CDC42: variants seen among roughly 807,000 people sequenced by gnomAD.
CDC42 encodes the protein cell division cycle 42.
CDC42 carries 1 observed loss-of-function variant against 20.8 expected under a neutral mutation model. The observed-to-expected ratio is 0.05, with a 90% confidence interval of 0.02 to 0.23. The LOEUF is 0.23. Among genes scored for constraint, CDC42 ranks in the 10% least tolerant of loss-of-function variants. The pLI is 1.00. For synonymous variants in CDC42, 72 were observed against 84.8 expected (o/e 0.85, Z 0.83); for missense variants, 49 against 227.9 (o/e 0.21, Z 5.05).
At chr1:22,086,617 CATTA>C in intron 4 of CDC42, 48 bp from the exon 5 acceptor site, 2 of 1,590,688 alleles carry the variant, frequency 1.3e-6, no homozygotes, top group Non-Finnish European at 1.7e-6. Context: ...TTATAAATAG[CATTA>C]GAGGCTTGTT....
chr1:22,053,269 G>C (rs929303016), intron 1 of CDC42: 2 of 151,598 alleles, frequency 1.3e-5, no homozygotes, highest in East Asian at 1.9e-4. Flanking sequence ...GGGGGTGGGG[G>C]GGCGGGGGAG....
chr1:22,054,905 ATATATATATATATATATTTTTTTTTT>A (rs1645279699), intron 1 of CDC42, among the ~76,000 whole-genome samples: 1 of 12,116 alleles, frequency 8.3e-5, no homozygotes, highest in African/African-American at 2.0e-4. Flanking sequence ...ATATATATAT[ATATATATATATATATATTTTTTTTTT>A]TTTTTTTTTT....
chr1:22,064,653 G>C (rs1473980109), intron 1 of CDC42, among the ~76,000 whole-genome samples: 1 of 150,970 alleles, frequency 6.6e-6, no homozygotes, highest in Non-Finnish European at 1.5e-5. Context: ...ATGGAGTTTA[G>C]AACACAGCCT....
chr1:22,099,141 C>G lies in CDC42; in HGVS notation c.*7624C>G, dbSNP rs2124069991. On this transcript the variant is annotated 3_prime_UTR_variant, in exon 6 of 6. Coordinates refer to ENST00000656825, the MANE Select transcript of CDC42 (RefSeq NM_001791.4). ...GGCTGGGGGCCCTGCTTCACCACGGCATAGGGACGGGTGCAGTAGGAAGAA... is the reference window on the plus strand; with the variant it reads ...GGCTGGGGGCCCTGCTTCACCACGGGATAGGGACGGGTGCAGTAGGAAGAA... Among the ~76,000 whole-genome samples the G allele has an allele frequency of 6.6e-6, 1 of 152,304 alleles. No individual in the cohort carries two copies.
chr1:22,074,476 A>G (rs1324702173), intron 1 of CDC42, among the ~76,000 whole-genome samples: 1 of 152,242 alleles, frequency 6.6e-6, no homozygotes, highest in Non-Finnish European at 1.5e-5. Flanking sequence ...AACATAGGGT[A>G]TATGAACATG....
intron 1 of CDC42, among the ~76,000 whole-genome samples, chr1:22,059,867 G>A (rs1224088664): frequency 1.4e-5 from 2 of 141,218 alleles, no homozygotes; most frequent in East Asian, 4.4e-4. Flanking sequence ...GGGCCAGATT[G>A]AATTTATTTC....
At chr1:22,059,025 T>G (rs1196562012) in intron 1 of CDC42, among the ~76,000 whole-genome samples, 2 of 149,416 alleles carry the variant, frequency 1.3e-5, no homozygotes, top group Admixed American at 1.3e-4. Context: ...GGGGCCTTTT[T>G]ATGTTGCCCA....
chr1:22,070,370 T>C (rs1034300192), intron 1 of CDC42, among the ~76,000 whole-genome samples: 2 of 151,822 alleles, frequency 1.3e-5, no homozygotes, highest in African/African-American at 4.8e-5. Flanking sequence ...ATAGCCTGTT[T>C]AAAGGTATTT....
chr1:22,080,796 C>T (rs1645599089), intron 2 of CDC42, among the ~76,000 whole-genome samples: 1 of 152,130 alleles, frequency 6.6e-6, no homozygotes, highest in African/African-American at 2.4e-5. Context: ...GTTTTATGGT[C>T]TATTTACATA....
intron 1 of CDC42, among the ~76,000 whole-genome samples, chr1:22,069,943 A>C (rs964130336): frequency 9.2e-5 from 14 of 152,080 alleles, no homozygotes; most frequent in African/African-American, 3.4e-4. Flanking sequence ...GCATGCCACC[A>C]TGCCCAGCTA....
chr1:22,095,277 C>CT lies in CDC42; in HGVS notation c.*3770dup, dbSNP rs941784173. Among the ~76,000 whole-genome samples the CT allele has an allele frequency of 3.8e-4, 57 of 149,760 alleles. No homozygotes were observed. Among genetic ancestry groups the CT allele is most frequent in the African/African-American group, 1.2e-3 (48 of 40,882 alleles). On this transcript the variant is annotated 3_prime_UTR_variant, in exon 6 of 6. Transcript: ENST00000656825. ...CCAGGGCTGCTTGAATGCTTGAATA[C>CT]TTTTTTTTTTGAGATGGAGTCTCGT...
chr1:22,069,059 C>T (rs1049536060), intron 1 of CDC42, among the ~76,000 whole-genome samples: 4 of 151,506 alleles, frequency 2.6e-5, no homozygotes, highest in East Asian at 1.9e-4. Context: ...AAGCTTGGCA[C>T]GTGGTAGGTA....
chr1:22,070,830 C>T (rs933223734), intron 1 of CDC42, among the ~76,000 whole-genome samples: 7 of 151,836 alleles, frequency 4.6e-5, no homozygotes, highest in African/African-American at 9.7e-5. Flanking sequence ...CGTGAGGTCC[C>T]GTTCCAGCCA....
intron 2 of CDC42, among the ~76,000 whole-genome samples, chr1:22,079,457 T>C (rs16826480): frequency 0.011 from 1,642 of 152,200 alleles, 32 homozygotes; most frequent in African/African-American, 0.038. Flanking sequence ...GTTTTTTAAA[T>C]CAACTCTTTG....
chr1:22,077,201 A>G (rs2124000778), intron 1 of CDC42, among the ~76,000 whole-genome samples: 1 of 152,156 alleles, frequency 6.6e-6, no homozygotes, highest in Admixed American at 6.5e-5. Context: ...GAGGAGCGGG[A>G]GAGTGTATAT....
At chr1:22,065,476 G>A (rs1336645870) in intron 1 of CDC42, among the ~76,000 whole-genome samples, 1 of 152,196 alleles carries the variant, frequency 6.6e-6, no homozygotes, top group Non-Finnish European at 1.5e-5. Flanking sequence ...ATGATATTTA[G>A]ATGCTTTTAC....
At chr1:22,053,556 C>T (rs1436139007) in intron 1 of CDC42, 1 of 152,242 alleles carries the variant, frequency 6.6e-6, no homozygotes, top group Non-Finnish European at 1.5e-5. Flanking sequence ...TTGGTTAATT[C>T]CTCTTATCGG....
chr1:22,083,124 G>A (rs1249041234), intron 3 of CDC42, among the ~76,000 whole-genome samples: 2 of 151,856 alleles, frequency 1.3e-5, no homozygotes, highest in South Asian at 2.1e-4. Context: ...CAGGTGATCC[G>A]CCCGCCTTGG....
At chr1:22,068,620 A>G (rs1645449487) in intron 1 of CDC42, 1 of 152,552 alleles carries the variant, frequency 6.6e-6, no homozygotes, top group Admixed American at 6.5e-5. Flanking sequence ...CCTTCCATAG[A>G]AATGATCTTC....
Sources: gnomAD v4.1 joint callset for allele counts (sites outside exome capture counted in the v4.1 genomes callset) on GRCh38, gnomAD v4.1.1 for gene constraint, MANE v1.5 for transcripts, NCBI Gene and HGNC (gene_info 2026-07-23, HGNC 2026-07-21) for gene names.